CLEC6A: variants seen among roughly 807,000 people sequenced by gnomAD.
The protein encoded by CLEC6A is C-type lectin domain family 6 member A.
In CLEC6A, 22 loss-of-function variants were observed where a neutral mutation model predicts 25.7. The ratio of observed to expected loss-of-function variants is 0.85; its 90% CI spans 0.61 to 1.22. The LOEUF (loss-of-function observed/expected upper bound fraction) is 1.22, where lower values mean the gene tolerates loss of function less well. Ranked by LOEUF, CLEC6A falls within the 50% of genes most tolerant of loss-of-function variation. The pLI, the probability that CLEC6A is intolerant of heterozygous loss-of-function variation, is 0.00. For synonymous variants in CLEC6A, 92 were observed against 76.7 expected (o/e 1.20, Z -1.04); for missense variants, 240 against 236.8 (o/e 1.01, Z -0.09).
At chr12:8,477,139 G>A (rs186193007) in intron 5 of CLEC6A, among the ~76,000 whole-genome samples, 181 bp from the exon 6 acceptor site, 32 of 152,212 alleles carry the variant, frequency 2.1e-4, no homozygotes, top group African/African-American at 6.5e-4. Flanking sequence ...TGTTAAAGGA[G>A]CAAGTGTAAA....
At position 8,456,143 on chromosome 12, in the gene CLEC6A, G is replaced by T. The variant is rs988947432; in HGVS notation, c.31+1G>T. On this transcript the variant is annotated splice_donor_variant, in intron 1 of 5. Coordinates refer to ENST00000382073, the MANE Select transcript of CLEC6A (RefSeq NM_001007033.2). LOFTEE classifies it high-confidence loss of function. ...CAAGAGCAGCAACCTCAAAGTACAGGTGAGTATTTCCTCAGTTTCAGAGGA... is the reference window on the plus strand; with the variant it reads ...CAAGAGCAGCAACCTCAAAGTACAGTTGAGTATTTCCTCAGTTTCAGAGGA... 6.2e-7 allele frequency: 1 copy of T among 1,613,634 alleles called. No homozygotes were observed. Among genetic ancestry groups the T allele is most frequent in the South Asian group, 1.1e-5 (1 of 91,072 alleles).
rs1045380977 is a variant in CLEC6A, at chr12:8,475,348, G to A, written c.370-777G>A. ...TCTCTATATATATATATATGTATGT[G>A]TGTGTGTGTGTGTGTGTGTCTATAC... On this transcript the variant is annotated intron_variant, in intron 4 of 5. Transcript: ENST00000382073. Among the ~76,000 whole-genome samples the A allele has an allele frequency of 7.9e-3, 1,174 of 148,292 alleles. 22 individuals carry two copies. Among genetic ancestry groups the A allele is most frequent in the African/African-American group, 0.028 (1,136 of 40,714 alleles).
At chr12:8,465,449 C>A in intron 3 of CLEC6A, 35 bp from the exon 4 acceptor site, 1 of 1,608,222 alleles carries the variant, frequency 6.2e-7, no homozygotes, top group Non-Finnish European at 8.5e-7. Flanking sequence ...TCTTATCTTG[C>A]ACTCACTCTT....
intron 3 of CLEC6A, among the ~76,000 whole-genome samples, chr12:8,462,225 C>T (rs1181419829): frequency 7.1e-5 from 10 of 141,480 alleles, no homozygotes; most frequent in South Asian, 2.4e-4. Context: ...ACAAACACTG[C>T]GGAAGGCCGC....
intron 4 of CLEC6A, among the ~76,000 whole-genome samples, chr12:8,472,306 T>C (rs148439770): frequency 1.3e-4 from 20 of 152,280 alleles, no homozygotes; most frequent in African/African-American, 4.1e-4. Flanking sequence ...AGAGCAGTAA[T>C]AAGCTGCCAT....
At chr12:8,467,686 A>G (rs771087798) in intron 4 of CLEC6A, among the ~76,000 whole-genome samples, 1 of 152,204 alleles carries the variant, frequency 6.6e-6, no homozygotes, top group Non-Finnish European at 1.5e-5. Flanking sequence ...TTGATATTCC[A>G]TATGAACTTT....
chr12:8,469,450 G>A (rs1303464975), intron 4 of CLEC6A, among the ~76,000 whole-genome samples: 1 of 151,688 alleles, frequency 6.6e-6, no homozygotes, highest in Non-Finnish European at 1.5e-5. Context: ...AAATTCATAT[G>A]GAATCAAAAA....
intron 5 of CLEC6A, 72 bp downstream of exon 5, chr12:8,476,312 T>C (rs201438459): frequency 3.0e-5 from 24 of 803,184 alleles, no homozygotes; most frequent in Non-Finnish European, 4.4e-5. Context: ...CTAATAATGT[T>C]AATATTGGTA....
chr12:8,463,417 C>T (rs1939790145), intron 3 of CLEC6A, among the ~76,000 whole-genome samples: 1 of 152,164 alleles, frequency 6.6e-6, no homozygotes, highest in Non-Finnish European at 1.5e-5. Flanking sequence ...ACATATTCAA[C>T]ACCAATTCAT....
At chr12:8,461,063 A>T in intron 3 of CLEC6A, 2 of 1,595,378 alleles carry the variant, frequency 1.3e-6, no homozygotes, top group South Asian at 2.2e-5. Flanking sequence ...CCTGACACCC[A>T]GTGGATCACC....
rs376594310 is a variant in CLEC6A at position 8,477,515 on chromosome 12, C to G, written c.*51C>G. ...AAGAATTACTGACGTAATTTTTTCC[C>G]TGACGTCTTTAAAATTGAACCCTAT... On this transcript the variant is annotated 3_prime_UTR_variant, in exon 6 of 6. Transcript: ENST00000382073. 6.9e-7 allele frequency: 1 copy of G among 1,440,430 alleles called. No homozygotes were observed. The highest frequency in any genetic ancestry group is 9.4e-7 in the Non-Finnish European group (1 of 1,062,076). 89.2% of individuals were successfully genotyped at this position (1,440,430 alleles called of 1,614,324 possible). A position where few individuals can be genotyped will look rare whatever the true frequency, so the allele number is the denominator to read the frequency against.
intron 3 of CLEC6A, among the ~76,000 whole-genome samples, chr12:8,461,599 T>C (rs994447473): frequency 6.6e-6 from 1 of 152,230 alleles, no homozygotes; most frequent in Non-Finnish European, 1.5e-5. Context: ...TAAAATACAA[T>C]TATTTTGTAT....
At chr12:8,462,215 A>G (rs2136358618) in intron 3 of CLEC6A, among the ~76,000 whole-genome samples, 1 of 150,796 alleles carries the variant, frequency 6.6e-6, no homozygotes, top group Non-Finnish European at 1.5e-5. Context: ...ACCCAGGGAC[A>G]CAAACACTGC....
intron 4 of CLEC6A, among the ~76,000 whole-genome samples, chr12:8,473,013 TGAGACGGA>T (rs1187141305): frequency 5.9e-4 from 3 of 5,058 alleles, no homozygotes; most frequent in African/African-American, 7.6e-4. Context: ...TTTTTTTTTT[TGAGACGGA>T]GTTTCGCTCT....
At chr12:8,474,040 T>C (rs964355025) in intron 4 of CLEC6A, among the ~76,000 whole-genome samples, 2 of 152,164 alleles carry the variant, frequency 1.3e-5, no homozygotes, top group African/African-American at 4.8e-5. Flanking sequence ...TTTGCTCCAT[T>C]GATAGTTTCT....
Position 8,457,941 on chromosome 12 carries a change from G to A in CLEC6A, c.75G>A (p.Gly25=), listed in dbSNP as rs765459776. The change falls in exon 2 of 6, where the codon GGG becomes GGA. Residue 25 remains glycine (G), a synonymous_variant. Transcript: ENST00000382073. ...WLSLRLWSVA[G]ISIALLSACF... ...CCCTGAGACTCTGGTCTGTGGCTGGGATTTCCATTGCACTCCTCAGTGCTT... is the reference window on the plus strand; with the variant it reads ...CCCTGAGACTCTGGTCTGTGGCTGGAATTTCCATTGCACTCCTCAGTGCTT... The A allele has an allele frequency of 1.9e-6, 3 of 1,614,052 alleles. No homozygotes were observed. In the South Asian group the frequency reaches 3.3e-5, roughly 18 times the overall value.
rs1244494559 is a variant in CLEC6A at position 8,456,124 on chromosome 12, C to A, written c.13C>A (p.Gln5Lys). 2 of 1,613,772 alleles carry A rather than the reference C, an allele frequency of 1.2e-6. No homozygotes were observed. The highest frequency in any genetic ancestry group is 1.7e-6 in the Non-Finnish European group (2 of 1,179,862). Reference protein sequence around the residue: MMQEQQPQSTEKRGW... With the variant: MMQEKQPQSTEKRGW... ...GGGAGCCTGCATAATGATGCAAGAGCAGCAACCTCAAAGTACAGGTGAGTA... is the reference window on the plus strand; with the variant it reads ...GGGAGCCTGCATAATGATGCAAGAGAAGCAACCTCAAAGTACAGGTGAGTA... The change falls in exon 1 of 6, where the codon CAG (glutamine) becomes AAG (lysine). Residue 5 changes from glutamine (Q) to lysine (K), a missense_variant. Gln to Lys is a moderately conservative substitution (Grantham distance 53, BLOSUM62 1). Coordinates refer to ENST00000382073, the MANE Select transcript of CLEC6A (RefSeq NM_001007033.2).
At chr12:8,475,276 A>G (rs944742831) in intron 4 of CLEC6A, among the ~76,000 whole-genome samples, 4 of 152,104 alleles carry the variant, frequency 2.6e-5, no homozygotes, top group Admixed American at 2.6e-4. Flanking sequence ...ACAGTAGGAA[A>G]TTAATATGGA....
intron 4 of CLEC6A, among the ~76,000 whole-genome samples, chr12:8,467,397 A>G (rs756064502): frequency 6.6e-6 from 1 of 152,184 alleles, no homozygotes; most frequent in African/African-American, 2.4e-5. Context: ...CAACTTGATT[A>G]TTTTGCCTAT....
Sources: gnomAD v4.1 joint callset for allele counts (sites outside exome capture counted in the v4.1 genomes callset) on GRCh38, gnomAD v4.1.1 for gene constraint, MANE v1.5 for transcripts, NCBI Gene and HGNC (gene_info 2026-07-23, HGNC 2026-07-21) for gene names.